The following PDE11A variants were observed in gnomAD, a reference collection of about 807,000 sequenced individuals.
PDE11A encodes the protein phosphodiesterase 11A.
A neutral mutation model predicts 100.5 loss-of-function variants in PDE11A; 100 were observed. That is an observed-to-expected ratio of 1.00 (90% CI 0.85 to 1.18). PDE11A has a LOEUF of 1.18. PDE11A is among the 50% of genes most tolerant of loss of function. The pLI is 0.00. For missense variants in PDE11A, 1,141 were observed against 1,152.6 expected (o/e 0.99, Z 0.15); for synonymous variants, 381 against 420.8 (o/e 0.91, Z 1.16).
intron 6 of PDE11A, 92 bp downstream of exon 6, chr2:177,840,159 A>T (rs2083466655): frequency 7.6e-7 from 1 of 1,317,596 alleles, no homozygotes. Flanking sequence ...GATGCAAAAG[A>T]ATTGCTGGTA....
chr2:177,860,024 C>G (rs1476949465), intron 5 of PDE11A, among the ~76,000 whole-genome samples: 2 of 151,700 alleles, frequency 1.3e-5, no homozygotes, highest in Non-Finnish European at 2.9e-5. Flanking sequence ...AATAAGGTCT[C>G]AAATCAATAA....
chr2:177,840,486 T>TAAAAAAA, intron 5 of PDE11A, 103 bp from the exon 6 acceptor site: 2 of 987,220 alleles, frequency 2.0e-6, no homozygotes, highest in Admixed American at 1.8e-5. Flanking sequence ...CTGTCCTTAT[T>TAAAAAAA]AAGAAAAAAT....
chr2:178,042,908 T>G (rs1361866486), intron 1 of PDE11A, among the ~76,000 whole-genome samples: 1 of 152,158 alleles, frequency 6.6e-6, no homozygotes, highest in East Asian at 1.9e-4. Flanking sequence ...AACCTCACAT[T>G]AAATCATTAG....
rs986542830 is a variant in PDE11A, at chr2:177,625,664, T to A, written c.*3743A>T. 2.6e-5 allele frequency: 4 copies of A among 152,216 alleles called. No homozygotes were observed. Among genetic ancestry groups the A allele is most frequent in the African/African-American group, 9.7e-5 (4 of 41,446 alleles). The allele number at this position is 152,216 out of a possible 1,614,324, so 9.4% of individuals were successfully genotyped here. ...TTGAGTTTTTACAAGAAGGCTCATA[T>A]TTCAAATGTCTTTCTCCAATAGGAA... On this transcript the variant is annotated 3_prime_UTR_variant, in exon 20 of 20. Transcript: ENST00000286063.
chr2:177,825,584 G>C (rs2083215439), intron 6 of PDE11A, among the ~76,000 whole-genome samples: 1 of 152,120 alleles, frequency 6.6e-6, no homozygotes, highest in South Asian at 2.1e-4. Context: ...TCCTCTGCAG[G>C]GGCTGGAGGA....
intron 19 of PDE11A, among the ~76,000 whole-genome samples, chr2:177,641,414 G>A (rs539190536): frequency 1.5e-4 from 17 of 111,804 alleles, no homozygotes; most frequent in Non-Finnish European, 2.7e-4. Context: ...GCATTTTCAC[G>A]TTTTACTGAG....
chr2:177,677,323 G>A (rs2080791287), intron 16 of PDE11A, among the ~76,000 whole-genome samples: 1 of 152,170 alleles, frequency 6.6e-6, no homozygotes, highest in Non-Finnish European at 1.5e-5. Context: ...ATAAGGCTCA[G>A]AAACGTTAGG....
In PDE11A at chr2:177,624,486, GA is replaced by G. The variant is rs1457910228; in HGVS notation, c.*4920del. The G allele has an allele frequency of 6.6e-6, 1 of 152,170 alleles. No homozygotes were observed. Among genetic ancestry groups the G allele is most frequent in the East Asian group, 1.9e-4 (1 of 5,176 alleles). The allele number at this position is 152,170 out of a possible 1,614,324, so 9.4% of individuals were successfully genotyped here. On this transcript the variant is annotated 3_prime_UTR_variant, in exon 20 of 20. Transcript: ENST00000286063. ...CTGTTTAATTACCTAGTGTTAAGTGGAAAAAGTTATGATAAATTTTGATACA... is the reference window on the plus strand; with the variant it reads ...CTGTTTAATTACCTAGTGTTAAGTGGAAAAGTTATGATAAATTTTGATACA...
rs1429191864 is a variant in PDE11A at position 177,769,379 on chromosome 2, T to G, written c.1738-6A>C. On this transcript the variant is annotated splice_region_variant and splice_polypyrimidine_tract_variant and intron_variant, in intron 9 of 19. Coordinates refer to ENST00000286063, the MANE Select transcript of PDE11A (RefSeq NM_016953.4). ...GTTGCATGGTATGATAGCACCTGAT[T>G]CAGAAGAAAAAAAAATAATTTTAAT... is the stretch of plus-strand genomic sequence containing the variant. 2 of 1,550,350 alleles carry G rather than the reference T, an allele frequency of 1.3e-6. No homozygotes were observed. Among genetic ancestry groups the G allele is most frequent in the Non-Finnish European group, 1.8e-6 (2 of 1,122,146 alleles).
At chr2:177,883,027 T>A (rs971083664) in intron 4 of PDE11A, among the ~76,000 whole-genome samples, 8 of 152,142 alleles carry the variant, frequency 5.3e-5, no homozygotes, top group African/African-American at 1.9e-4. Flanking sequence ...GCCAGCACTT[T>A]GGGAAGTCAA....
At chr2:177,813,994 A>T (rs1382352451) in intron 9 of PDE11A, among the ~76,000 whole-genome samples, 2 of 152,124 alleles carry the variant, frequency 1.3e-5, no homozygotes, top group Admixed American at 1.3e-4. Flanking sequence ...TGAGTGGGGA[A>T]TCTTCCCTTA....
chr2:177,719,734 T>A (rs2081497542), intron 12 of PDE11A, among the ~76,000 whole-genome samples: 1 of 152,168 alleles, frequency 6.6e-6, no homozygotes, highest in Non-Finnish European at 1.5e-5. Context: ...TTTTAAAATT[T>A]CTGGTACGTA....
intron 9 of PDE11A, among the ~76,000 whole-genome samples, chr2:177,804,813 T>C (rs2082845831): frequency 6.6e-6 from 1 of 151,944 alleles, no homozygotes; most frequent in Admixed American, 6.6e-5. Context: ...TTGTCTTAAC[T>C]GAAATAATTC....
At chr2:177,977,299 GACAA>G (rs1486759285) in intron 2 of PDE11A, among the ~76,000 whole-genome samples, 24 of 145,002 alleles carry the variant, frequency 1.7e-4, no homozygotes, top group Non-Finnish European at 2.3e-4. Flanking sequence ...ACCAACAACA[GACAA>G]ACAGAGAGCC....
intron 1 of PDE11A, among the ~76,000 whole-genome samples, chr2:178,044,894 T>A (rs2086730381): frequency 6.6e-6 from 1 of 152,182 alleles, no homozygotes; most frequent in South Asian, 2.1e-4. Flanking sequence ...TTATTATTTT[T>A]GATTGCTTCA....
At chr2:177,826,639 G>A (rs2083230211) in intron 6 of PDE11A, among the ~76,000 whole-genome samples, 1 of 152,202 alleles carries the variant, frequency 6.6e-6, no homozygotes, top group Non-Finnish European at 1.5e-5. Context: ...TTGGAGCTGA[G>A]GCATTTTCTC....
At chr2:177,903,462 G>A (rs1018932262) in intron 3 of PDE11A, among the ~76,000 whole-genome samples, 1 of 152,216 alleles carries the variant, frequency 6.6e-6, no homozygotes, top group Non-Finnish European at 1.5e-5. Flanking sequence ...AGTAAGCTCC[G>A]TAAGGGTAGG....
At chr2:177,818,413 A>G (rs2083079400) in intron 7 of PDE11A, among the ~76,000 whole-genome samples, 1 of 151,912 alleles carries the variant, frequency 6.6e-6, no homozygotes, top group Non-Finnish European at 1.5e-5. Flanking sequence ...ATCTGAGATC[A>G]AATTTCAACT....
intron 2 of PDE11A, among the ~76,000 whole-genome samples, chr2:177,906,304 C>G (rs2084787737): frequency 1.3e-5 from 2 of 152,256 alleles, no homozygotes; most frequent in South Asian, 4.1e-4. Flanking sequence ...GGGTGAGGGA[C>G]GACAGCAGCC....
Sources: gnomAD v4.1 joint callset for allele counts (sites outside exome capture counted in the v4.1 genomes callset) on GRCh38, gnomAD v4.1.1 for gene constraint, MANE v1.5 for transcripts, NCBI Gene and HGNC (gene_info 2026-07-23, HGNC 2026-07-21) for gene names.